Variants in FAM13C observed in about 807,000 individuals in gnomAD.
FAM13C encodes the protein family with sequence similarity 13 member C.
A neutral mutation model predicts 73.2 loss-of-function variants in FAM13C; 37 were observed. That is an observed-to-expected ratio of 0.51 (90% confidence interval 0.39 to 0.67). The LOEUF (loss-of-function observed/expected upper bound fraction) is 0.67. Among genes scored for constraint, FAM13C ranks in the 30% least tolerant of loss-of-function variants. FAM13C has a pLI of 0.00. For missense variants in FAM13C, 589 were observed against 715.6 expected, an observed-to-expected ratio of 0.82 and a Z score of 2.02; for synonymous variants, 246 against 260.9, an observed-to-expected ratio of 0.94 and a Z score of 0.55.
At chr10:59,326,751 A>C (rs928250576) in intron 3 of FAM13C, among the ~76,000 whole-genome samples, 1 of 152,172 alleles carries the variant, frequency 6.6e-6, no homozygotes, top group African/African-American at 2.4e-5. Flanking sequence ...AGATGCTTCT[A>C]ATTTCTAGGC....
intron 3 of FAM13C, among the ~76,000 whole-genome samples, chr10:59,351,874 T>C (rs935517344): frequency 1.3e-5 from 2 of 152,130 alleles, no homozygotes; most frequent in East Asian, 3.9e-4. Context: ...CAGGCGCCTG[T>C]AATCCCAGCT....
chr10:59,260,845 C>G (rs908779792), intron 10 of FAM13C, among the ~76,000 whole-genome samples: 2 of 152,108 alleles, frequency 1.3e-5, no homozygotes, highest in Non-Finnish European at 2.9e-5. Flanking sequence ...AGGCTTCTCT[C>G]TTATTGTCAT....
At chr10:59,330,215 G>T (rs1163526037) in intron 3 of FAM13C, among the ~76,000 whole-genome samples, 1 of 152,124 alleles carries the variant, frequency 6.6e-6, no homozygotes, top group East Asian at 1.9e-4. Context: ...ATTAAAAATT[G>T]TATAAAATAG....
chr10:59,348,395 C>T (rs1389491517), intron 3 of FAM13C, among the ~76,000 whole-genome samples: 5 of 152,176 alleles, frequency 3.3e-5, no homozygotes, highest in Non-Finnish European at 7.3e-5. Flanking sequence ...ATTTACCCTG[C>T]GATCAAAACT....
At chr10:59,354,260 G>C (rs1855426549) in intron 2 of FAM13C, among the ~76,000 whole-genome samples, 2 of 152,090 alleles carry the variant, frequency 1.3e-5, no homozygotes, top group Non-Finnish European at 2.9e-5. Context: ...TCCTTGACTT[G>C]GAAAGCCAGG....
At chr10:59,252,699 C>T in intron 12 of FAM13C, 100 bp downstream of exon 12, 1 of 1,163,760 alleles carries the variant, frequency 8.6e-7, no homozygotes, top group Non-Finnish European at 1.3e-6. Flanking sequence ...TTGACCCACC[C>T]CTTTGAGTCC....
intron 3 of FAM13C, among the ~76,000 whole-genome samples, chr10:59,342,343 C>T (rs1853623292): frequency 1.0e-5 from 1 of 97,680 alleles, no homozygotes; most frequent in African/African-American, 4.0e-5. Context: ...TCAAACTTTA[C>T]CCTTTAAAGT....
At chr10:59,289,823 C>T (rs1426798535) in intron 5 of FAM13C, among the ~76,000 whole-genome samples, 1 of 152,116 alleles carries the variant, frequency 6.6e-6, no homozygotes, top group Non-Finnish European at 1.5e-5. Context: ...CCCCTACAGT[C>T]CTAGTGCCAC....
At chr10:59,273,276 T>C (rs769962237) in intron 6 of FAM13C, among the ~76,000 whole-genome samples, 1 of 152,166 alleles carries the variant, frequency 6.6e-6, no homozygotes, top group Non-Finnish European at 1.5e-5. Flanking sequence ...TTTGGTGAAA[T>C]CTTAAGATAA....
Position 59,246,638 on chromosome 10 carries a change from T to G in FAM13C, c.*976A>C, listed in dbSNP as rs1252862694. On this transcript the variant is annotated 3_prime_UTR_variant, in exon 14 of 14. Coordinates refer to ENST00000618804, the MANE Select transcript of FAM13C (RefSeq NM_198215.4). The stretch of plus-strand genomic sequence containing the variant: ...TGATGAAGCAAATAAATATTCTGGC[T>G]TCTTTTTCAAGGTATCAGGGCAAAC... The G allele has an allele frequency of 2.5e-6, 1 of 397,652 alleles. No individual in the cohort carries two copies. Among genetic ancestry groups the G allele is most frequent in the African/African-American group, 2.1e-5 (1 of 48,600 alleles). 24.6% of individuals were successfully genotyped at this position (397,652 alleles called of 1,614,324 possible). A position where few individuals can be genotyped will look rare whatever the true frequency, so the allele number is the denominator to read the frequency against.
intron 5 of FAM13C, among the ~76,000 whole-genome samples, chr10:59,284,503 T>C (rs575298005): frequency 6.7e-5 from 10 of 150,256 alleles, no homozygotes; most frequent in Non-Finnish European, 1.3e-4. Context: ...CACCCTACCC[T>C]CTGCATATCC....
chr10:59,311,257 G>T (rs1328315151), intron 4 of FAM13C, among the ~76,000 whole-genome samples: 1 of 152,190 alleles, frequency 6.6e-6, no homozygotes, highest in African/African-American at 2.4e-5. Context: ...TTCAGAATTG[G>T]CAGAGTGGAG....
chr10:59,273,726 G>C (rs1843985018), intron 6 of FAM13C, among the ~76,000 whole-genome samples: 1 of 152,082 alleles, frequency 6.6e-6, no homozygotes, highest in Admixed American at 6.6e-5. Flanking sequence ...AGTGTTTCTG[G>C]CAGCACAGTC....
intron 3 of FAM13C, among the ~76,000 whole-genome samples, chr10:59,348,733 G>T (rs1358015764): frequency 3.3e-5 from 5 of 152,082 alleles, no homozygotes; most frequent in Non-Finnish European, 4.4e-5. Context: ...CTGCCTCCCG[G>T]GTTCAAGGAA....
At chr10:59,350,404 A>G (rs889626674) in intron 3 of FAM13C, among the ~76,000 whole-genome samples, 11 of 152,154 alleles carry the variant, frequency 7.2e-5, no homozygotes, top group African/African-American at 2.7e-4. Flanking sequence ...CCTGAAACTT[A>G]CTATGTCATA....
At chr10:59,316,595 C>G (rs1327661858) in intron 4 of FAM13C, among the ~76,000 whole-genome samples, 1 of 152,108 alleles carries the variant, frequency 6.6e-6, no homozygotes, top group Admixed American at 6.6e-5. Flanking sequence ...CACTACACAC[C>G]TAGGCTATAT....
intron 3 of FAM13C, among the ~76,000 whole-genome samples, chr10:59,350,593 C>T (rs773079468): frequency 6.6e-6 from 1 of 152,144 alleles, no homozygotes; most frequent in Non-Finnish European, 1.5e-5. Context: ...ACACTCACTT[C>T]GCTGCAACAA....
chr10:59,300,679 A>ATT (rs936188406), intron 5 of FAM13C: 1 of 152,238 alleles, frequency 6.6e-6, no homozygotes, highest in Non-Finnish European at 1.5e-5. Context: ...AATGAAAACT[A>ATT]TGACTATATA....
intron 6 of FAM13C, among the ~76,000 whole-genome samples, chr10:59,273,015 G>A (rs1162404509): frequency 6.6e-6 from 1 of 152,130 alleles, no homozygotes; most frequent in Non-Finnish European, 1.5e-5. Flanking sequence ...TAAAAGTTGT[G>A]TAAATATGAT....
Sources: allele counts gnomAD v4.1 joint callset (sites outside exome capture counted in the v4.1 genomes callset), GRCh38; gene constraint gnomAD v4.1.1; transcripts MANE v1.5; gene names NCBI Gene and HGNC (gene_info 2026-07-23, HGNC 2026-07-21).